The following RGMA variants were observed in gnomAD, a reference collection of about 807,000 sequenced individuals.
The protein encoded by RGMA is repulsive guidance molecule A.
A neutral mutation model predicts 23.2 loss-of-function variants in RGMA; 10 were observed. That is an observed-to-expected ratio of 0.43 (90% CI 0.27 to 0.73). RGMA has a LOEUF of 0.73. Among genes scored for constraint, RGMA ranks in the 30% least tolerant of loss-of-function variants. The pLI, the probability that RGMA is intolerant of heterozygous loss-of-function variation, is 0.20. For synonymous variants in RGMA, 308 were observed against 279.3 expected (o/e 1.10, Z -1.03); for missense variants, 547 against 630.5 (o/e 0.87, Z 1.42).
In RGMA at chr15:93,045,146, T is replaced by C. The variant is rs1392017827; in HGVS notation, c.1205A>G (p.Lys402Arg). ...TTTGTCTTTGTTGGAGTGGAGCATCTTGACATCCTCCAACGCGTAGTAGGC... is the reference window on the plus strand; with the variant it reads ...TTTGTCTTTGTTGGAGTGGAGCATCCTGACATCCTCCAACGCGTAGTAGGC... ...LAAYYALEDVKMLHSNKDKLH... is the reference protein window; with the variant it reads ...LAAYYALEDVRMLHSNKDKLH... The change falls in exon 4 of 4, where the codon AAG becomes AGG. Residue 402 changes from lysine to arginine, a missense_variant. By Grantham distance (26) the Lys-to-Arg change is conservative. Transcript: ENST00000329082. This position sits in a 1 kb window ranked among gnomAD's most constrained non-coding sequence, Gnocchi z 6.9. 3.1e-6 allele frequency: 5 copies of C among 1,602,896 alleles called. No homozygotes were observed. The East Asian group carries it at 9.0e-5, about 29-fold the overall frequency.
Position 93,036,067 on chromosome 15 carries a change from T to TTAC in RGMA, c.*8930_*8931insGTA. The TTAC allele has an allele frequency of 6.6e-6, 1 of 152,222 alleles. No individual in the cohort carries two copies. The highest frequency in any genetic ancestry group is 2.4e-5 in the African/African-American group (1 of 41,442). 9.4% of individuals were successfully genotyped at this position (152,222 alleles called of 1,614,324 possible). On this transcript the variant is annotated 3_prime_UTR_variant, in exon 4 of 4. Transcript: ENST00000329082. ...CGTGTAACTCGTGTTGTTACATATG[T>TTAC]AAGTATGATTACACGTGTAATCACA...
At chr15:93,066,616 C>G (rs1390580639) in intron 2 of RGMA, 1 of 450,540 alleles carries the variant, frequency 2.2e-6, no homozygotes, top group Non-Finnish European at 4.4e-6. Context: ...GCCGTGGGGA[C>G]TGCCGTCACC....
At chr15:93,080,633 C>T (rs1895544204) in intron 1 of RGMA, among the ~76,000 whole-genome samples, 1 of 152,198 alleles carries the variant, frequency 6.6e-6, no homozygotes. Context: ...CCTCTGTGCT[C>T]CCTTTGACCT....
At position 93,045,595 on chromosome 15, in the gene RGMA, G is replaced by A. The variant is rs1231261399; in HGVS notation, c.756C>T (p.Asp252=). 21 of 1,613,170 alleles carry A rather than the reference G, an allele frequency of 1.3e-5. No homozygotes were observed. Among genetic ancestry groups the A allele is most frequent in the Non-Finnish European group, 1.8e-5 (21 of 1,179,888 alleles). The change falls in exon 4 of 4, where the codon GAC becomes GAT. Residue 252 remains aspartate, a synonymous_variant. Transcript: ENST00000329082. The surrounding 1 kb of genome is among the most constrained non-coding windows in gnomAD (Gnocchi z 6.9). ...AFVDGSKNGG[D]KHGANSLKIT... ...TCTTCAGGCTGTTGGCCCCGTGCTT[G>A]TCCCCACCGTTCTTAGAGCCATCCA...
chr15:93,051,531 G>A (rs577911445), intron 3 of RGMA, among the ~76,000 whole-genome samples: 2 of 152,254 alleles, frequency 1.3e-5, no homozygotes, highest in African/African-American at 4.8e-5. Flanking sequence ...CACTTGCGTG[G>A]GTCCATGGCT....
chr15:93,062,863 C>G (rs977933433), intron 2 of RGMA: 3 of 152,562 alleles, frequency 2.0e-5, no homozygotes, highest in African/African-American at 7.2e-5. Flanking sequence ...CACTCTGTGT[C>G]CCAGCGGTCC....
chr15:93,078,800 C>T (rs575534997), intron 1 of RGMA, among the ~76,000 whole-genome samples: 30 of 152,306 alleles, frequency 2.0e-4, no homozygotes, highest in Middle Eastern at 3.4e-3. Context: ...TTTCCAATAT[C>T]GTTTCTGACA....
At chr15:93,086,040 AAAAGAGGAGCCTGTC>A (rs1387499238) in intron 1 of RGMA, among the ~76,000 whole-genome samples, 7 of 152,232 alleles carry the variant, frequency 4.6e-5, no homozygotes, top group African/African-American at 1.7e-4. Flanking sequence ...CAAAATAAGA[AAAAGAGGAGCCTGTC>A]TTTTGGATAG....
At chr15:93,070,922 T>G (rs927993218) in intron 2 of RGMA, among the ~76,000 whole-genome samples, 1 of 152,220 alleles carries the variant, frequency 6.6e-6, no homozygotes, top group Non-Finnish European at 1.5e-5. Context: ...ATAAAAGTTT[T>G]TAGGATGGAG....
At chr15:93,047,050 G>T (rs2054834957) in intron 3 of RGMA, among the ~76,000 whole-genome samples, 1 of 152,266 alleles carries the variant, frequency 6.6e-6, no homozygotes, top group Non-Finnish European at 1.5e-5. Flanking sequence ...GGCTCAGAGA[G>T]AGGCAGTAAC....
chr15:93,045,086 C>T lies in RGMA; in HGVS notation c.1265G>A (p.Gly422Asp), dbSNP rs1307366363. The T allele has an allele frequency of 6.3e-7, 1 of 1,577,098 alleles. No homozygotes were observed. Among genetic ancestry groups the T allele is most frequent in the Non-Finnish European group, 8.6e-7 (1 of 1,161,760 alleles). Reference protein sequence around the residue: ...HLYERTRDLPGRAAAGLPLAP... With the variant: ...HLYERTRDLPDRAAAGLPLAP... ...CAGGGGCAGCCCCGCAGCCGCCCTG[C>T]CTGGCAGGTCCCGAGTCCTCTCATA... The change falls in exon 4 of 4, where the codon GGC becomes GAC. Residue 422 changes from glycine (G) to aspartate (D), a missense_variant. Gly to Asp is a moderately conservative substitution (Grantham distance 94). This residue lies in a region of RGMA where 205 missense variants were observed against 204.1 expected (regional missense o/e 1.00). Transcript: ENST00000329082. The surrounding 1 kb of genome is among the most constrained non-coding windows in gnomAD (Gnocchi z 6.9).
At position 93,088,987 on chromosome 15, in the gene RGMA, G is replaced by C; in HGVS notation, c.-55C>G. On this transcript the variant is annotated 5_prime_UTR_variant, in exon 1 of 4. Coordinates refer to ENST00000329082, the MANE Select transcript of RGMA (RefSeq NM_020211.3). ...TGGCGGGGCTGCGGGAGAAGAGGGGGTGTCGGGGCGCCGCTCGTCTGCCCC... is the reference window on the plus strand; with the variant it reads ...TGGCGGGGCTGCGGGAGAAGAGGGGCTGTCGGGGCGCCGCTCGTCTGCCCC... 5 of 1,247,306 alleles carry C rather than the reference G, an allele frequency of 4.0e-6. No individual in the cohort carries two copies. Among genetic ancestry groups the C allele is most frequent in the Non-Finnish European group, 5.2e-6 (5 of 961,624 alleles). The allele number at this position is 1,247,306 out of a possible 1,614,324, so 77.3% of individuals were successfully genotyped here. A position where few individuals can be genotyped will look rare whatever the true frequency, so the allele number is the denominator to read the frequency against.
intron 2 of RGMA, among the ~76,000 whole-genome samples, chr15:93,055,006 G>T (rs548143660): frequency 6.6e-6 from 1 of 152,284 alleles, no homozygotes; most frequent in East Asian, 1.9e-4. Context: ...CGCAGAACAA[G>T]CGTTTGGAGG....
At position 93,037,130 on chromosome 15, in the gene RGMA, AAG is replaced by A. The variant is rs1415751406; in HGVS notation, c.*7866_*7867del. ...CTGAAGAGAACAGCGGCCAGTTACT[AAG>A]AGCACACGGTGGGCCGGCCGCCGCG... On this transcript the variant is annotated 3_prime_UTR_variant, in exon 4 of 4. Transcript: ENST00000329082. The surrounding 1 kb of genome is among the most constrained non-coding windows in gnomAD (Gnocchi z 4.3). 1 of 152,330 alleles carries A rather than the reference AAG, an allele frequency of 6.6e-6. No individual in the cohort carries two copies. The highest frequency in any genetic ancestry group is 2.4e-5 in the African/African-American group (1 of 41,564). The allele number at this position is 152,330 out of a possible 1,614,324, so 9.4% of individuals were successfully genotyped here. A position where few individuals can be genotyped will look rare whatever the true frequency, so the allele number is the denominator to read the frequency against.
At chr15:93,073,845 G>C in intron 1 of RGMA, 1 of 1,503,430 alleles carries the variant, frequency 6.7e-7, no homozygotes, top group South Asian at 1.3e-5. Flanking sequence ...CCGTGCTGAG[G>C]GCCTGCGGGC....
chr15:93,081,654 T>C (rs1241586477), intron 1 of RGMA, among the ~76,000 whole-genome samples: 2 of 152,210 alleles, frequency 1.3e-5, no homozygotes, highest in Admixed American at 6.5e-5. Flanking sequence ...AGTGAGTCTG[T>C]CTCTCTCTCA....
At chr15:93,061,792 T>C (rs1407809049) in intron 2 of RGMA, among the ~76,000 whole-genome samples, 4 of 152,150 alleles carry the variant, frequency 2.6e-5, no homozygotes, top group East Asian at 1.9e-4. Context: ...GAGACCTCCT[T>C]TGAACTGTTA....
chr15:93,055,775 G>A (rs181099719), intron 2 of RGMA, among the ~76,000 whole-genome samples: 2 of 152,318 alleles, frequency 1.3e-5, no homozygotes, highest in African/African-American at 4.8e-5. Context: ...GCAGGGGCTC[G>A]ACGGCAGGGT....
At position 93,044,398 on chromosome 15, in the gene RGMA, C is replaced by CA. The variant is rs1310795430; in HGVS notation, c.*599dup. ...GAACATGGGCAGGGAGGCCACAGGC[C>CA]AGAAGGCACCAGGCGGGCACGACCT... On this transcript the variant is annotated 3_prime_UTR_variant, in exon 4 of 4. Coordinates refer to ENST00000329082, the MANE Select transcript of RGMA (RefSeq NM_020211.3). 6.5e-6 allele frequency: 1 copy of CA among 154,052 alleles called. No homozygotes were observed. Among genetic ancestry groups the CA allele is most frequent in the Non-Finnish European group, 1.4e-5 (1 of 69,386 alleles). The allele number at this position is 154,052 out of a possible 1,614,324, so 9.5% of individuals were successfully genotyped here.
Sources: gnomAD v4.1 joint callset for allele counts (sites outside exome capture counted in the v4.1 genomes callset) on GRCh38, gnomAD v4.1.1 for gene constraint, gnomAD v4.1.1 regional missense constraint, Gnocchi (gnomAD v3.1) non-coding constraint, MANE v1.5 for transcripts, NCBI Gene and HGNC (gene_info 2026-07-23, HGNC 2026-07-21) for gene names.